Variants in RSF1 observed in about 807,000 individuals in gnomAD.
RSF1 encodes the protein HBV pX-associated protein 8.
A neutral mutation model predicts 145.2 loss-of-function variants in RSF1; 13 were observed. The observed-to-expected ratio is 0.09, with a 90% CI of 0.06 to 0.14. The LOEUF (loss-of-function observed/expected upper bound fraction) is 0.14. RSF1 is among the 10% of genes least tolerant of loss of function. The pLI is 1.00. For synonymous variants in RSF1, 577 were observed against 592.6 expected (o/e 0.97, Z 0.38); for missense variants, 1,517 against 1,718.2 (o/e 0.88, Z 2.07).
the RSF1 span, among the ~76,000 whole-genome samples, chr11:77,837,361 C>T: frequency 6.6e-6 from 1 of 151,516 alleles, no homozygotes; most frequent in South Asian, 2.1e-4. Flanking sequence ...GGTCTCTTAA[C>T]TCCTGACCTC....
intron 2 of RSF1, among the ~76,000 whole-genome samples, chr11:77,747,988 A>C (rs1948019656): frequency 6.6e-6 from 1 of 152,184 alleles, no homozygotes; most frequent in Admixed American, 6.5e-5. Context: ...CGAGGGCCAA[A>C]GGAGAAGAAC....
chr11:77,774,573 AAAATAAATAAATAAATAAAT>A (rs59146627), intron 1 of RSF1, among the ~76,000 whole-genome samples: 10 of 133,124 alleles, frequency 7.5e-5, no homozygotes, highest in Non-Finnish European at 1.4e-4. Flanking sequence ...TCTGTCTCAA[AAAATAAATAAATAAATAAAT>A]AAATAAATAA....
chr11:77,758,983 T>A (rs953331399), intron 2 of RSF1, among the ~76,000 whole-genome samples: 5 of 152,264 alleles, frequency 3.3e-5, no homozygotes, highest in Non-Finnish European at 5.9e-5. Context: ...TTTATGTTGT[T>A]GCTCAGTCTT....
intron 1 of RSF1, among the ~76,000 whole-genome samples, chr11:77,773,895 A>G (rs142721434): frequency 1.3e-5 from 2 of 152,358 alleles, no homozygotes; most frequent in Non-Finnish European, 2.9e-5. Context: ...AGAGAAAACA[A>G]TTGCTTAGAT....
intron 1 of RSF1, among the ~76,000 whole-genome samples, chr11:77,804,495 T>C (rs1948657699): frequency 3.9e-5 from 6 of 152,216 alleles, no homozygotes; most frequent in Admixed American, 3.9e-4. Context: ...GACCAGCCTT[T>C]ACTTATAGCT....
chr11:77,747,833 T>C (rs1000250271), intron 2 of RSF1, among the ~76,000 whole-genome samples: 1 of 152,206 alleles, frequency 6.6e-6, no homozygotes, highest in Admixed American at 6.5e-5. Context: ...GCAAATGGGT[T>C]CTATGACCTC....
At chr11:77,673,790 C>T (rs1959619692) in intron 14 of RSF1, among the ~76,000 whole-genome samples, 1 of 152,044 alleles carries the variant, frequency 6.6e-6, no homozygotes, top group African/African-American at 2.4e-5. Flanking sequence ...GTGCTATTCC[C>T]ACTATAAATG....
chr11:77,679,408 T>C (rs2135822088), intron 11 of RSF1, among the ~76,000 whole-genome samples: 1 of 152,244 alleles, frequency 6.6e-6, no homozygotes, highest in South Asian at 2.1e-4. Context: ...CACAGTGGCT[T>C]ACATCTGTAA....
intron 1 of RSF1, among the ~76,000 whole-genome samples, chr11:77,765,391 T>C (rs1338998010): frequency 6.6e-6 from 1 of 152,238 alleles, no homozygotes; most frequent in Non-Finnish European, 1.5e-5. Context: ...AGCATTTCTA[T>C]GAATCTTTGC....
At chr11:77,740,615 T>A (rs1183090954) in intron 4 of RSF1, 116 bp downstream of exon 4, 1 of 861,060 alleles carries the variant, frequency 1.2e-6, no homozygotes, top group African/African-American at 1.7e-5. Context: ...CCTTGACAAC[T>A]CCCAAAACTC....
intron 14 of RSF1, among the ~76,000 whole-genome samples, chr11:77,672,456 A>G (rs1959580694): frequency 6.6e-6 from 1 of 151,940 alleles, no homozygotes; most frequent in African/African-American, 2.4e-5. Flanking sequence ...TCCTGGGCTC[A>G]AGAGATCCTT....
At position 77,734,445 on chromosome 11, in the gene RSF1, C is replaced by T; in HGVS notation, c.578+6286G>A. 22 of 1,536,100 alleles carry T rather than the reference C, an allele frequency of 1.4e-5. No homozygotes were observed. The South Asian group carries it at 2.5e-4, about 17-fold the overall frequency. On this transcript the variant is annotated intron_variant, in intron 4 of 15. Coordinates refer to ENST00000308488, the MANE Select transcript of RSF1 (RefSeq NM_016578.4). ...ACTGCCTTGGTGACCAGGGAAGTCACCCCACGGCTACGGGGAAATTAGCCG... is the reference window on the plus strand; with the variant it reads ...ACTGCCTTGGTGACCAGGGAAGTCATCCCACGGCTACGGGGAAATTAGCCG...
intron 1 of RSF1, among the ~76,000 whole-genome samples, chr11:77,767,158 T>C (rs1215283611): frequency 1.3e-5 from 2 of 152,216 alleles, no homozygotes; most frequent in Non-Finnish European, 2.9e-5. Context: ...TGAAACTGTA[T>C]AGCGTTGTAT....
At chr11:77,730,233 A>G (rs1182281020) in intron 4 of RSF1, among the ~76,000 whole-genome samples, 2 of 152,168 alleles carry the variant, frequency 1.3e-5, no homozygotes, top group Admixed American at 6.5e-5. Context: ...TCACTGTGCT[A>G]TATTAGCAGG....
chr11:77,788,197 A>AAG (rs1948479832), intron 1 of RSF1, among the ~76,000 whole-genome samples: 1 of 146,276 alleles, frequency 6.8e-6, no homozygotes, highest in Non-Finnish European at 1.5e-5. Flanking sequence ...AAAAAAAAAA[A>AAG]GTAAAATATT....
chr11:77,809,006 T>C (rs2135985656), intron 1 of RSF1, among the ~76,000 whole-genome samples: 1 of 152,306 alleles, frequency 6.6e-6, no homozygotes, highest in Admixed American at 6.5e-5. Context: ...ACTACAATCA[T>C]TTTAAGAGCA....
the RSF1 span, among the ~76,000 whole-genome samples, chr11:77,862,838 G>T: frequency 2.6e-5 from 4 of 152,200 alleles, no homozygotes; most frequent in Non-Finnish European, 4.4e-5. Context: ...TCATGGCCAG[G>T]TGGTACTGCA....
intron 1 of RSF1, among the ~76,000 whole-genome samples, chr11:77,789,773 CCCT>C (rs1429853252): frequency 6.6e-6 from 1 of 152,212 alleles, no homozygotes; most frequent in Non-Finnish European, 1.5e-5. Context: ...TGAGGATAAG[CCCT>C]TCTGGCCCAG....
At chr11:77,711,143 T>TAA (rs60863404) in intron 5 of RSF1, among the ~76,000 whole-genome samples, 17,479 of 134,242 alleles carry the variant, frequency 0.13, 1,262 homozygotes, top group Admixed American at 0.19. Flanking sequence ...ATTTTTAACT[T>TAA]AAAAAAAAAA....
Sources: gnomAD v4.1 joint callset for allele counts (sites outside exome capture counted in the v4.1 genomes callset) on GRCh38, gnomAD v4.1.1 for gene constraint, MANE v1.5 for transcripts, NCBI Gene and HGNC (gene_info 2026-07-23, HGNC 2026-07-21) for gene names.